The following LMNTD1 variants were observed in gnomAD, a reference collection of about 807,000 sequenced individuals.
LMNTD1 encodes lamin tail domain-containing protein 1.
A neutral mutation model predicts 50.9 loss-of-function variants in LMNTD1; 35 were observed. That is an observed-to-expected ratio of 0.69 (90% CI 0.53 to 0.91). The LOEUF (loss-of-function observed/expected upper bound fraction) is 0.91, where lower values mean the gene tolerates loss of function less well. Ranked by LOEUF, LMNTD1 falls within the 40% of genes least tolerant of loss-of-function variation. LMNTD1 has a pLI of 0.00. For missense variants in LMNTD1, 470 were observed against 475.5 expected, an observed-to-expected ratio of 0.99 and a Z score of 0.11; for synonymous variants, 153 against 161.9, an observed-to-expected ratio of 0.94 and a Z score of 0.42.
intron 9 of LMNTD1, among the ~76,000 whole-genome samples, chr12:25,500,787 G>T (rs1286727712): frequency 1.3e-5 from 2 of 152,090 alleles, no homozygotes; most frequent in African/African-American, 4.8e-5. Flanking sequence ...TTCTGTTTCT[G>T]TGGCATTCTT....
intron 1 of LMNTD1, among the ~76,000 whole-genome samples, chr12:25,604,818 G>A (rs570327314): frequency 6.6e-6 from 1 of 152,282 alleles, no homozygotes; most frequent in African/African-American, 2.4e-5. Flanking sequence ...ATGTGTGCAT[G>A]TGTCTTTATA....
chr12:25,635,030 A>G (rs145871005), intron 1 of LMNTD1, among the ~76,000 whole-genome samples: 187 of 152,242 alleles, frequency 1.2e-3, no homozygotes, highest in African/African-American at 4.4e-3. Flanking sequence ...ACCTCAGGTC[A>G]GGAGTTCGAG....
At chr12:25,616,672 T>G (rs1226681482) in intron 1 of LMNTD1, among the ~76,000 whole-genome samples, 5 of 152,104 alleles carry the variant, frequency 3.3e-5, no homozygotes, top group Non-Finnish European at 7.4e-5. Flanking sequence ...GAGTAAAGGG[T>G]ATGGGGGATC....
At chr12:25,612,219 G>A (rs1197862563) in intron 1 of LMNTD1, among the ~76,000 whole-genome samples, 1 of 151,266 alleles carries the variant, frequency 6.6e-6, no homozygotes, top group Non-Finnish European at 1.5e-5. Context: ...TAAAACAAAT[G>A]AATGAACAAT....
intron 1 of LMNTD1, among the ~76,000 whole-genome samples, chr12:25,566,121 A>C (rs1445621656): frequency 1.3e-5 from 2 of 152,022 alleles, no homozygotes; most frequent in Non-Finnish European, 2.9e-5. Flanking sequence ...TTATACTTGC[A>C]TATTGCTATC....
chr12:25,512,580 A>G (rs1460747386), intron 8 of LMNTD1, among the ~76,000 whole-genome samples: 1 of 152,150 alleles, frequency 6.6e-6, no homozygotes, highest in Non-Finnish European at 1.5e-5. Flanking sequence ...CTAAATTCTT[A>G]TTTGTGAAGT....
chr12:25,579,863 A>G (rs1945204412), intron 1 of LMNTD1, among the ~76,000 whole-genome samples: 1 of 152,132 alleles, frequency 6.6e-6, no homozygotes, highest in South Asian at 2.1e-4. Flanking sequence ...AGAACTACCC[A>G]GCGAGCCTCT....
At chr12:25,633,880 A>G (rs139214342) in intron 1 of LMNTD1, among the ~76,000 whole-genome samples, 208 of 152,346 alleles carry the variant, frequency 1.4e-3, no homozygotes, top group African/African-American at 5.0e-3. Context: ...TAAATTAAAC[A>G]AAAAGGTTTG....
chr12:25,538,915 G>T (rs899852649), intron 4 of LMNTD1, among the ~76,000 whole-genome samples: 1 of 141,938 alleles, frequency 7.0e-6, no homozygotes, highest in African/African-American at 2.6e-5. Context: ...AAAGGCAGGG[G>T]TTGCAATCCT....
intron 4 of LMNTD1, among the ~76,000 whole-genome samples, 167 bp from the exon 5 acceptor site, chr12:25,527,122 T>C (rs1278827836): frequency 2.6e-5 from 4 of 152,166 alleles, no homozygotes; most frequent in African/African-American, 7.2e-5. Flanking sequence ...ACAAATGGCT[T>C]GAGTTTTTAG....
At chr12:25,582,634 A>G (rs139847202) in intron 1 of LMNTD1, among the ~76,000 whole-genome samples, 1 of 152,344 alleles carries the variant, frequency 6.6e-6, no homozygotes, top group African/African-American at 2.4e-5. Flanking sequence ...AAATATGACA[A>G]CCTAAATTTG....
At chr12:25,643,893 A>G (rs2136631949) in intron 1 of LMNTD1, among the ~76,000 whole-genome samples, 1 of 152,240 alleles carries the variant, frequency 6.6e-6, no homozygotes, top group East Asian at 1.9e-4. Flanking sequence ...ATTTATGGTC[A>G]GGAACTGGAC....
rs868042983 is a variant in LMNTD1, at chr12:25,584,358, C to G, written c.59-37804G>C. 9.2e-5 allele frequency among the ~76,000 whole-genome samples: 14 copies of G among 152,350 alleles called. No individual in the cohort carries two copies. The South Asian group carries it at 1.7e-3, about 18-fold the overall frequency. On this transcript the variant is annotated intron_variant, in intron 1 of 7. Coordinates refer to the LMNTD1 transcript ENST00000445693. ...GAAGGGACAAGCTTGGCCTTGAGCACTGCTCAGTGTAACCACTGAACCTGT... is the reference window on the plus strand; with the variant it reads ...GAAGGGACAAGCTTGGCCTTGAGCAGTGCTCAGTGTAACCACTGAACCTGT...
intron 2 of LMNTD1, among the ~76,000 whole-genome samples, chr12:25,552,581 G>GCAAAAAAAA (rs1352627059): frequency 1.7e-5 from 1 of 58,154 alleles, no homozygotes; most frequent in Non-Finnish European, 3.2e-5. Context: ...CACTCTGTCT[G>GCAAAAAAAA]AAAAAAAAAA....
At chr12:25,581,435 T>G (rs1369560557) in intron 1 of LMNTD1, among the ~76,000 whole-genome samples, 1 of 152,158 alleles carries the variant, frequency 6.6e-6, no homozygotes, top group Non-Finnish European at 1.5e-5. Flanking sequence ...CTCTGACTCT[T>G]TGAACCTATT....
intron 9 of LMNTD1, among the ~76,000 whole-genome samples, chr12:25,483,940 C>T (rs537118184): frequency 6.6e-6 from 1 of 152,052 alleles, no homozygotes; most frequent in African/African-American, 2.4e-5. Flanking sequence ...AGAGCTTTAA[C>T]TTGCTGACTA....
intron 1 of LMNTD1, among the ~76,000 whole-genome samples, chr12:25,631,068 G>T (rs764883137): frequency 2.0e-5 from 3 of 152,108 alleles, no homozygotes; most frequent in Non-Finnish European, 2.9e-5. Context: ...TGACTTAACA[G>T]AGGCAGCCAT....
At chr12:25,542,837 C>T (rs1379366250) in intron 4 of LMNTD1, among the ~76,000 whole-genome samples, 2 of 148,688 alleles carry the variant, frequency 1.3e-5, no homozygotes, top group African/African-American at 4.9e-5. Flanking sequence ...ATAGGGGAAA[C>T]CAATATAACC....
chr12:25,477,076 A>G (rs1938292457), intron 9 of LMNTD1, among the ~76,000 whole-genome samples: 1 of 152,192 alleles, frequency 6.6e-6, no homozygotes, highest in South Asian at 2.1e-4. Flanking sequence ...CACGGAATCC[A>G]TTAACCTCCT....
Sources: gnomAD v4.1 joint callset for allele counts (sites outside exome capture counted in the v4.1 genomes callset) on GRCh38, gnomAD v4.1.1 for gene constraint, MANE v1.5 for transcripts, NCBI Gene and HGNC (gene_info 2026-07-23, HGNC 2026-07-21) for gene names.